The following MBOAT2 variants were observed in gnomAD, a reference collection of about 807,000 sequenced individuals.
The protein encoded by MBOAT2 is membrane-bound glycerophospholipid O-acyltransferase 2.
A neutral mutation model predicts 63.4 loss-of-function variants in MBOAT2; 28 were observed. The observed-to-expected ratio is 0.44, with a 90% CI of 0.33 to 0.61. MBOAT2 has a LOEUF of 0.61. MBOAT2 is among the 20% of genes least tolerant of loss of function. The pLI is 0.03. For missense variants in MBOAT2, 470 were observed against 605.8 expected (o/e 0.78, Z 2.35); for synonymous variants, 211 against 215.6 (o/e 0.98, Z 0.19).
chr2:8,868,617 GGTAT>G, intron 8 of MBOAT2, 68 bp from the exon 9 acceptor site: 1 of 1,264,666 alleles, frequency 7.9e-7, no homozygotes, highest in Admixed American at 2.0e-5. Context: ...TCTCCCAGAA[GGTAT>G]GTGTTATTAT....
chr2:8,986,072 AAAC>A (rs904559363), intron 1 of MBOAT2, among the ~76,000 whole-genome samples: 1 of 152,134 alleles, frequency 6.6e-6, no homozygotes. Flanking sequence ...GATGTGATGA[AAAC>A]AACACTTCAT....
intron 3 of MBOAT2, among the ~76,000 whole-genome samples, chr2:8,935,061 G>A (rs1374418705): frequency 6.6e-6 from 1 of 152,146 alleles, no homozygotes; most frequent in East Asian, 1.9e-4. Flanking sequence ...TAGAGGCCAT[G>A]GCAGCCCGAG....
At chr2:8,961,273 C>A (rs530704142) in intron 1 of MBOAT2, among the ~76,000 whole-genome samples, 1 of 152,192 alleles carries the variant, frequency 6.6e-6, no homozygotes, top group Non-Finnish European at 1.5e-5. Flanking sequence ...CACTATCTTC[C>A]GCCTCTCAGT....
intron 9 of MBOAT2, among the ~76,000 whole-genome samples, chr2:8,866,288 T>C (rs1661890162): frequency 6.6e-6 from 1 of 152,104 alleles, no homozygotes; most frequent in Non-Finnish European, 1.5e-5. Context: ...CATACAGTAG[T>C]GTATCAATAG....
chr2:8,961,653 G>A (rs1669611012), intron 1 of MBOAT2, among the ~76,000 whole-genome samples: 1 of 151,792 alleles, frequency 6.6e-6, no homozygotes, highest in South Asian at 2.1e-4. Flanking sequence ...TCCAATTAAT[G>A]TAACTGGGGT....
chr2:8,892,300 T>A (rs1370225311), intron 4 of MBOAT2, among the ~76,000 whole-genome samples: 1 of 152,180 alleles, frequency 6.6e-6, no homozygotes, highest in Non-Finnish European at 1.5e-5. Flanking sequence ...TGTTAACTGT[T>A]CACCTCAGTT....
At chr2:8,966,877 G>A (rs1040547952) in intron 1 of MBOAT2, among the ~76,000 whole-genome samples, 49 of 152,210 alleles carry the variant, frequency 3.2e-4, no homozygotes, top group African/African-American at 1.2e-3. Context: ...GGGACTAGGA[G>A]AGGCATGTAC....
Position 8,858,531 on chromosome 2 carries a change from A to G in MBOAT2, c.*148T>C. On this transcript the variant is annotated 3_prime_UTR_variant, in exon 13 of 13. Coordinates refer to ENST00000305997, the MANE Select transcript of MBOAT2 (RefSeq NM_138799.4). Reference sequence around the variant, plus strand: ...GGAGGGCTTGTTTCACTCCATTTCCAATCTGGTGTACAGGAAATTCCTTAT... The same window carrying G: ...GGAGGGCTTGTTTCACTCCATTTCCGATCTGGTGTACAGGAAATTCCTTAT... 1.7e-6 allele frequency: 1 copy of G among 600,634 alleles called. No individual in the cohort carries two copies. The allele number at this position is 600,634 out of a possible 1,614,324, so 37.2% of individuals were successfully genotyped here.
At chr2:8,873,806 A>G (rs759997839) in intron 7 of MBOAT2, among the ~76,000 whole-genome samples, 3 of 152,242 alleles carry the variant, frequency 2.0e-5, no homozygotes, top group Non-Finnish European at 2.9e-5. Context: ...ATAAAAACCA[A>G]AAGAGCTATA....
intron 3 of MBOAT2, among the ~76,000 whole-genome samples, chr2:8,925,782 A>G (rs557668748): frequency 1.3e-5 from 2 of 152,354 alleles, no homozygotes; most frequent in East Asian, 1.9e-4. Context: ...ACTCCACTGA[A>G]TATGATGCAT....
At chr2:8,858,939 G>T in intron 12 of MBOAT2, 35 bp from the exon 13 acceptor site, 1 of 1,465,230 alleles carries the variant, frequency 6.8e-7, no homozygotes, top group South Asian at 1.2e-5. Flanking sequence ...ATTAAAACTT[G>T]ATAATTAATA....
Position 9,003,273 on chromosome 2 carries a change from C to T in MBOAT2, c.75+267G>A, listed in dbSNP as rs1466073256. On this transcript the variant is annotated intron_variant, in intron 1 of 12. Transcript: ENST00000305997. This position sits in a 1 kb window ranked among gnomAD's most constrained non-coding sequence, Gnocchi z 5.4. The stretch of plus-strand genomic sequence containing the variant: ...GCACACCCGCACGCCCATACGACCA[C>T]CCTCCCCGGGGGCTGTCGCCGGCAA... Among the ~76,000 whole-genome samples, 1 of 152,190 alleles carries T rather than the reference C, an allele frequency of 6.6e-6. No homozygotes were observed. The highest frequency in any genetic ancestry group is 2.4e-5 in the African/African-American group (1 of 41,466).
intron 1 of MBOAT2, among the ~76,000 whole-genome samples, chr2:8,967,609 ATG>A (rs1444809436): frequency 6.6e-6 from 1 of 152,234 alleles, no homozygotes; most frequent in Non-Finnish European, 1.5e-5. Flanking sequence ...AAATATAAAC[ATG>A]TGAGATAGCC....
chr2:8,920,607 A>T (rs1666501113), intron 3 of MBOAT2, among the ~76,000 whole-genome samples: 1 of 152,032 alleles, frequency 6.6e-6, no homozygotes, highest in Non-Finnish European at 1.5e-5. Flanking sequence ...CATTAAATCT[A>T]TAGATGAATT....
At chr2:8,975,709 G>T (rs923155086) in intron 1 of MBOAT2, among the ~76,000 whole-genome samples, 1 of 151,458 alleles carries the variant, frequency 6.6e-6, no homozygotes, top group Non-Finnish European at 1.5e-5. Flanking sequence ...TTCTTGTATA[G>T]GTACAATGGA....
In MBOAT2 at chr2:8,871,635, T is replaced by C. The variant is rs75127760; in HGVS notation, c.883+1473A>G. ...GTTCAATCCTTAAAGAAATCTTAGA[T>C]TAAAATCCATAAGGTAACATATTTT... On this transcript the variant is annotated intron_variant, in intron 8 of 12. Coordinates refer to ENST00000305997, the MANE Select transcript of MBOAT2 (RefSeq NM_138799.4). 7.9e-5 allele frequency among the ~76,000 whole-genome samples: 12 copies of C among 152,324 alleles called. No homozygotes were observed. In the East Asian group the frequency reaches 2.3e-3, roughly 29 times the overall value.
At position 8,858,898 on chromosome 2, in the gene MBOAT2, C is replaced by T; in HGVS notation, c.1344G>A (p.Trp448Ter). The change falls in exon 13 of 13, where the codon TGG becomes TGA. Residue 448 changes from tryptophan (W) to a stop codon, truncating the protein, a stop_gained. Transcript: ENST00000305997. LOFTEE classifies it low-confidence loss of function (END_TRUNC). ...TACCAAGAATGTGCAGGCAATAATACCAGGAGCTAAAAGAAAAAGGGAAAA... is the reference window on the plus strand; with the variant it reads ...TACCAAGAATGTGCAGGCAATAATATCAGGAGCTAAAAGAAAAAGGGAAAA... The part of the protein sequence containing the change: ...IKPSLTFYSS[W>*]YYCLHILGIL... 1.9e-6 allele frequency: 3 copies of T among 1,596,768 alleles called. No homozygotes were observed. The highest frequency in any genetic ancestry group is 2.6e-6 in the Non-Finnish European group (3 of 1,172,500).
intron 2 of MBOAT2, among the ~76,000 whole-genome samples, chr2:8,946,607 A>G (rs1031792298): frequency 1.3e-5 from 2 of 152,144 alleles, no homozygotes; most frequent in African/African-American, 2.4e-5. Flanking sequence ...CTGAGACTTC[A>G]TGTCTCTCTG....
chr2:8,907,434 A>G (rs545923917), intron 4 of MBOAT2, among the ~76,000 whole-genome samples: 5 of 152,352 alleles, frequency 3.3e-5, no homozygotes, highest in Non-Finnish European at 5.9e-5. Context: ...TTAAACTTAT[A>G]TAACTATTTC....
Sources: gnomAD v4.1 joint callset for allele counts (sites outside exome capture counted in the v4.1 genomes callset) on GRCh38, gnomAD v4.1.1 for gene constraint, Gnocchi (gnomAD v3.1) non-coding constraint, MANE v1.5 for transcripts, NCBI Gene and HGNC (gene_info 2026-07-23, HGNC 2026-07-21) for gene names.